The following COLGALT1 variants were observed in gnomAD, a reference collection of about 807,000 sequenced individuals.
The protein encoded by COLGALT1 is collagen beta(1-O)galactosyltransferase 1.
In COLGALT1, 43 loss-of-function variants were observed where a neutral mutation model predicts 60.8. The ratio of observed to expected loss-of-function variants is 0.71; its 90% CI spans 0.55 to 0.91. The LOEUF (loss-of-function observed/expected upper bound fraction) is 0.91. Among genes scored for constraint, COLGALT1 ranks in the 40% least tolerant of loss-of-function variants. The pLI, the probability that COLGALT1 is intolerant of heterozygous loss-of-function variation, is 0.00. For missense variants in COLGALT1, 845 were observed against 880.0 expected (o/e 0.96, Z 0.50); for synonymous variants, 369 against 374.2 (o/e 0.99, Z 0.16).
At chr19:17,564,668 C>T (rs1367713378) in intron 3 of COLGALT1, among the ~76,000 whole-genome samples, 1 of 152,064 alleles carries the variant, frequency 6.6e-6, no homozygotes. Flanking sequence ...TCACCTGCCT[C>T]AGCCTCCCAA....
At chr19:17,560,507 T>A in intron 3 of COLGALT1, 42 bp downstream of exon 3, 1 of 1,526,176 alleles carries the variant, frequency 6.6e-7, no homozygotes, top group East Asian at 2.2e-5. Flanking sequence ...CAGGCAGGTC[T>A]GGGTATCCCC....
chr19:17,558,935 C>T (rs879566682), intron 1 of COLGALT1, among the ~76,000 whole-genome samples: 3 of 151,620 alleles, frequency 2.0e-5, no homozygotes, highest in Non-Finnish European at 4.4e-5. Context: ...CCAAGGTGGG[C>T]GGATCACGAG....
rs10708878 is a variant in COLGALT1 at position 17,567,776 on chromosome 19, T to TA, written c.624+250dup. Among the ~76,000 whole-genome samples, 586 of 141,844 alleles carry TA rather than the reference T, an allele frequency of 4.1e-3. 4 individuals carry two copies. The highest frequency in any genetic ancestry group is 0.015 in the East Asian group (72 of 4,796). 93.1% of individuals were successfully genotyped at this position (141,844 alleles called of 152,430 possible). On this transcript the variant is annotated intron_variant, in intron 4 of 11. Transcript: ENST00000252599. ...CAACATGGTGAAACCCCATCTCTAC[T>TA]AAAAAAAAAAAAAATTACAGAAATT...
At chr19:17,564,577 TG>T (rs2076269798) in intron 3 of COLGALT1, among the ~76,000 whole-genome samples, 2 of 151,840 alleles carry the variant, frequency 1.3e-5, no homozygotes, top group Non-Finnish European at 1.5e-5. Context: ...CCACCATGCC[TG>T]GCTAAGTTTT....
intron 2 of COLGALT1, 64 bp from the exon 3 acceptor site, chr19:17,560,284 C>T: frequency 7.2e-7 from 1 of 1,383,246 alleles, no homozygotes; most frequent in Non-Finnish European, 1.0e-6. Flanking sequence ...CCGAAGGCAG[C>T]TCAGGCCCTC....
intron 6 of COLGALT1, among the ~76,000 whole-genome samples, chr19:17,576,067 C>T (rs567539540): frequency 6.6e-6 from 1 of 152,204 alleles, no homozygotes; most frequent in Non-Finnish European, 1.5e-5. Context: ...CAAGAATATA[C>T]AGCATGCCAT....
chr19:17,579,989 A>T (rs2076369380), intron 10 of COLGALT1: 1 of 215,458 alleles, frequency 4.6e-6, no homozygotes, highest in South Asian at 9.2e-5. Flanking sequence ...ATCACCCAGA[A>T]CTCAAGGGAC....
intron 1 of COLGALT1, among the ~76,000 whole-genome samples, chr19:17,558,443 T>C (rs547480398): frequency 2.3e-4 from 34 of 147,330 alleles, no homozygotes; most frequent in African/African-American, 6.0e-4. Flanking sequence ...TTTGGGAGGC[T>C]GAGGCAGGTG....
chr19:17,556,484 C>T (rs2076212541), intron 1 of COLGALT1: 6 of 976,856 alleles, frequency 6.1e-6, no homozygotes, highest in Non-Finnish European at 7.3e-6. Context: ...AAACCCCTGC[C>T]CTCAGACCGG....
At chr19:17,569,676 A>G (rs778780014) in intron 5 of COLGALT1, among the ~76,000 whole-genome samples, 2 of 152,022 alleles carry the variant, frequency 1.3e-5, no homozygotes, top group Non-Finnish European at 2.9e-5. Flanking sequence ...ACCCCAGGTG[A>G]TCCGCCCACC....
rs544406852 is a variant in COLGALT1, at chr19:17,575,467, G to A, written c.950-1728G>A. ...TCACTGTGTTAACCTGGATGGCCTC[G>A]ATCTCCTGACCTTGTGAGCCACCTG... On this transcript the variant is annotated intron_variant, in intron 6 of 11. Transcript: ENST00000252599. 3.3e-5 allele frequency among the ~76,000 whole-genome samples: 5 copies of A among 152,186 alleles called. No homozygotes were observed. In the East Asian group the frequency reaches 9.7e-4, roughly 29 times the overall value.
chr19:17,556,969 G>A (rs1327401892), intron 1 of COLGALT1, among the ~76,000 whole-genome samples: 1 of 152,166 alleles, frequency 6.6e-6, no homozygotes, highest in Non-Finnish European at 1.5e-5. Flanking sequence ...TTTTGGGTTT[G>A]TCTCTGAAGA....
At chr19:17,572,080 G>A (rs916170187) in intron 5 of COLGALT1, among the ~76,000 whole-genome samples, 8 of 152,088 alleles carry the variant, frequency 5.3e-5, no homozygotes, top group African/African-American at 1.2e-4. Flanking sequence ...AGGAGGCCAA[G>A]ACAGGTGGAT....
intron 6 of COLGALT1, among the ~76,000 whole-genome samples, chr19:17,573,667 C>T (rs1316091827): frequency 6.6e-6 from 1 of 152,100 alleles, no homozygotes; most frequent in Non-Finnish European, 1.5e-5. Context: ...CACTGCACTA[C>T]AGCCTGGGCA....
intron 3 of COLGALT1, among the ~76,000 whole-genome samples, chr19:17,567,110 G>A (rs950377970): frequency 2.0e-5 from 3 of 151,392 alleles, no homozygotes; most frequent in East Asian, 1.9e-4. Context: ...GCGAGACTCC[G>A]TCTCAAAAAA....
In COLGALT1 at chr19:17,578,753, G is replaced by T. The variant is rs578024419; in HGVS notation, c.1266+664G>T. On this transcript the variant is annotated intron_variant, in intron 9 of 11. Transcript: ENST00000252599. Reference sequence around the variant, plus strand: ...TGGCTGGGCGTGGTGGCTCATGCCTGTAATCTCAGCACTTTGGGAGGCCGA... The same window carrying T: ...TGGCTGGGCGTGGTGGCTCATGCCTTTAATCTCAGCACTTTGGGAGGCCGA... Among the ~76,000 whole-genome samples, 8 of 152,334 alleles carry T rather than the reference G, an allele frequency of 5.3e-5. No homozygotes were observed. In the South Asian group the frequency reaches 1.7e-3, roughly 32 times the overall value.
At chr19:17,572,886 T>C (rs747561072) in intron 6 of COLGALT1, among the ~76,000 whole-genome samples, 3 of 151,858 alleles carry the variant, frequency 2.0e-5, no homozygotes, top group Non-Finnish European at 4.4e-5. Context: ...ATAAAGGGGA[T>C]TGCAGCAGGA....
chr19:17,557,388 G>A (rs906577877), intron 1 of COLGALT1, among the ~76,000 whole-genome samples: 3 of 151,748 alleles, frequency 2.0e-5, no homozygotes, highest in Non-Finnish European at 4.4e-5. Context: ...TGCAACCTCC[G>A]CCTCCGGGTT....
At chr19:17,580,564 C>A in intron 10 of COLGALT1, 135 bp from the exon 11 acceptor site, 1 of 801,586 alleles carries the variant, frequency 1.2e-6, no homozygotes, top group Non-Finnish European at 2.0e-6. Flanking sequence ...TCACTCCATC[C>A]AGTCACAGAG....
Sources: allele counts gnomAD v4.1 joint callset (sites outside exome capture counted in the v4.1 genomes callset), GRCh38; gene constraint gnomAD v4.1.1; transcripts MANE v1.5; gene names NCBI Gene and HGNC (gene_info 2026-07-23, HGNC 2026-07-21).